The following TTLL5 variants were observed in gnomAD, a reference collection of about 807,000 sequenced individuals.
The protein encoded by TTLL5 is tubulin polyglutamylase TTLL5.
A neutral mutation model predicts 168.4 loss-of-function variants in TTLL5; 132 were observed. That is an observed-to-expected ratio of 0.78 (90% CI 0.68 to 0.91). The LOEUF (loss-of-function observed/expected upper bound fraction) is 0.91, where lower values mean the gene tolerates loss of function less well. TTLL5 is among the 40% of genes least tolerant of loss of function. The pLI, the probability that TTLL5 is intolerant of heterozygous loss-of-function variation, is 0.00. For missense variants in TTLL5, 1,545 were observed against 1,581.5 expected, an observed-to-expected ratio of 0.98 and a Z score of 0.39; for synonymous variants, 546 against 558.6, an observed-to-expected ratio of 0.98 and a Z score of 0.32.
chr14:75,777,735 TG>T (rs1891799740), intron 23 of TTLL5, among the ~76,000 whole-genome samples: 1 of 152,180 alleles, frequency 6.6e-6, no homozygotes, highest in Admixed American at 6.5e-5. Flanking sequence ...CTATGTTGAT[TG>T]GTGAAGTTAA....
In TTLL5 at chr14:75,775,561, A is replaced by T; in HGVS notation, c.2214A>T (p.Arg738=). ...HSLRMVLPSR[R]LALLERRRIL... ...TGAGGATGGTATTACCCAGTCGACG[A>T]TTGGCACTTCTGGAACGCAGAAGAA... The change falls in exon 22 of 32, where the codon CGA becomes CGT. Residue 738 remains arginine (R), a synonymous_variant. Coordinates refer to ENST00000298832, the MANE Select transcript of TTLL5 (RefSeq NM_015072.5). 1.9e-6 allele frequency: 3 copies of T among 1,614,132 alleles called. No homozygotes were observed. In the South Asian group the frequency reaches 3.3e-5, roughly 18 times the overall value.
intron 28 of TTLL5, among the ~76,000 whole-genome samples, chr14:75,855,222 T>C (rs971443865): frequency 1.3e-5 from 2 of 151,810 alleles, no homozygotes; most frequent in African/African-American, 4.8e-5. Context: ...AAACAAAGCC[T>C]GCTGGAATTT....
At chr14:75,751,698 G>A (rs745697330) in intron 17 of TTLL5, among the ~76,000 whole-genome samples, 2 of 152,184 alleles carry the variant, frequency 1.3e-5, no homozygotes, top group Non-Finnish European at 2.9e-5. Context: ...ATGGGGAGAA[G>A]ATAACCAGTC....
chr14:75,881,531 TC>T (rs2031811227), intron 29 of TTLL5, among the ~76,000 whole-genome samples: 1 of 152,224 alleles, frequency 6.6e-6, no homozygotes, highest in African/African-American at 2.4e-5. Context: ...ACCCAGTTCA[TC>T]TTTTAAATCT....
intron 31 of TTLL5, chr14:75,904,146 A>G (rs1250624876): frequency 7.8e-7 from 1 of 1,274,710 alleles, no homozygotes; most frequent in South Asian, 1.3e-5. Flanking sequence ...TCCACTGAAC[A>G]TTTTAGAACC....
intron 28 of TTLL5, among the ~76,000 whole-genome samples, chr14:75,840,041 C>T (rs1288420103): frequency 6.6e-6 from 1 of 152,132 alleles, no homozygotes; most frequent in African/African-American, 2.4e-5. Flanking sequence ...ACAATGTAAC[C>T]CTTGATCCAC....
intron 29 of TTLL5, among the ~76,000 whole-genome samples, chr14:75,876,382 C>T (rs2031483263): frequency 6.6e-6 from 1 of 152,140 alleles, no homozygotes; most frequent in South Asian, 2.1e-4. Context: ...GGTTAGTGAA[C>T]AATAGTTTCG....
intron 31 of TTLL5, among the ~76,000 whole-genome samples, chr14:75,910,886 CTT>C (rs1034011122): frequency 3.9e-5 from 6 of 152,198 alleles, no homozygotes; most frequent in African/African-American, 1.4e-4. Flanking sequence ...ACAGTAGTCT[CTT>C]ATACTTCTTT....
intron 31 of TTLL5, among the ~76,000 whole-genome samples, chr14:75,948,032 G>A (rs1281711088): frequency 1.3e-5 from 2 of 151,918 alleles, no homozygotes; most frequent in East Asian, 1.9e-4. Context: ...ACTGCATAAT[G>A]CACATTCTTT....
intron 29 of TTLL5, among the ~76,000 whole-genome samples, chr14:75,874,816 A>G (rs1007381566): frequency 6.6e-6 from 1 of 150,790 alleles, no homozygotes; most frequent in Non-Finnish European, 1.5e-5. Flanking sequence ...GTGTGTGTGT[A>G]TATATGCGTG....
chr14:75,917,043 G>A (rs2140128439), intron 31 of TTLL5, among the ~76,000 whole-genome samples: 1 of 152,304 alleles, frequency 6.6e-6, no homozygotes, highest in Non-Finnish European at 1.5e-5. Context: ...GAGGGGAATA[G>A]GATGTTTTTG....
At chr14:75,875,701 C>T (rs186626045) in intron 29 of TTLL5, among the ~76,000 whole-genome samples, 4 of 152,044 alleles carry the variant, frequency 2.6e-5, no homozygotes, top group Admixed American at 2.0e-4. Context: ...TCTAGGTCTA[C>T]GTTTATAGAT....
intron 30 of TTLL5, among the ~76,000 whole-genome samples, chr14:75,889,906 A>C (rs2032315045): frequency 6.9e-6 from 1 of 144,622 alleles, no homozygotes; most frequent in African/African-American, 2.5e-5. Context: ...GCAAAGATAT[A>C]CTCAAAGGTA....
chr14:75,722,079 C>G (rs981738138), intron 12 of TTLL5, among the ~76,000 whole-genome samples: 2 of 152,162 alleles, frequency 1.3e-5, no homozygotes, highest in African/African-American at 4.8e-5. Flanking sequence ...CATTTCCCCT[C>G]ATATACCTTA....
chr14:75,745,568 T>A lies in TTLL5; in HGVS notation c.1474T>A (p.Trp492Arg), dbSNP rs1566585759. The A allele has an allele frequency of 6.2e-7, 1 of 1,613,920 alleles. No individual in the cohort carries two copies. The change falls in exon 17 of 32, where the codon TGG (tryptophan) becomes AGG (arginine). Residue 492 changes from tryptophan to arginine, a missense_variant. Coordinates refer to ENST00000298832, the MANE Select transcript of TTLL5 (RefSeq NM_015072.5). ...FIRIFPTSET[W>R]EIYGSYLEHK... is the part of the protein sequence containing the mutation. ...TCGCATATTTCCTACATCTGAGACA[T>A]GGGAAATATATGGGTGAGGTGACTA...
rs188273655 is a variant in TTLL5, at chr14:75,850,362, C to T, written c.3327-13305C>T. ...CAGAGGTTGCAGTGAGCCAAGATCA[C>T]GCCATTGCACTCCAGCCTGGGCAGC... On this transcript the variant is annotated intron_variant, in intron 28 of 31. Coordinates refer to ENST00000298832, the MANE Select transcript of TTLL5 (RefSeq NM_015072.5). 3.9e-4 allele frequency among the ~76,000 whole-genome samples: 57 copies of T among 145,090 alleles called. No individual in the cohort carries two copies. In the East Asian group the frequency reaches 8.3e-3, roughly 21 times the overall value.
At chr14:75,905,161 CCT>C (rs2033093247) in intron 31 of TTLL5, among the ~76,000 whole-genome samples, 1 of 152,176 alleles carries the variant, frequency 6.6e-6, no homozygotes, top group Non-Finnish European at 1.5e-5. Flanking sequence ...TACACCTCTC[CCT>C]GAGACCTGGG....
rs773675871 is a variant in TTLL5, at chr14:75,766,132, A to G, written c.1779A>G (p.Leu593=). 6 of 1,614,102 alleles carry G rather than the reference A, an allele frequency of 3.7e-6. No homozygotes were observed. The East Asian group carries it at 6.7e-5, about 18-fold the overall frequency. ...GTGAAGAGGAGGAAGAAGTCGCATT[A>G]GATAATGAAGATGAAGAACAGGAGG... ...TESEEEEEVA[L]DNEDEEQEAS... Residue 593 remains leucine, a synonymous_variant, in exon 20 of 32, where the codon TTA becomes TTG. Transcript: ENST00000298832.
chr14:75,890,748 C>G (rs1164257614), intron 30 of TTLL5, among the ~76,000 whole-genome samples: 3 of 152,070 alleles, frequency 2.0e-5, no homozygotes, highest in African/African-American at 7.2e-5. Flanking sequence ...GAGATGGAGT[C>G]TCGCCGTGTC....
Sources: gnomAD v4.1 joint callset for allele counts (sites outside exome capture counted in the v4.1 genomes callset) on GRCh38, gnomAD v4.1.1 for gene constraint, MANE v1.5 for transcripts, NCBI Gene and HGNC (gene_info 2026-07-23, HGNC 2026-07-21) for gene names.